Variants in FAT3 observed in about 807,000 individuals in gnomAD.
FAT3 encodes FAT atypical cadherin 3.
A neutral mutation model predicts 310.2 loss-of-function variants in FAT3; 95 were observed. The ratio of observed to expected loss-of-function variants is 0.31; its 90% CI spans 0.26 to 0.36. The LOEUF is 0.36. FAT3 is among the 10% of genes least tolerant of loss of function. The probability of loss-of-function intolerance (pLI) is 1.00; values close to 1 mark genes in which losing one functional copy is unlikely to be tolerated. For synonymous variants in FAT3, 2,314 were observed against 2,192.9 expected (o/e 1.06, Z -1.54); for missense variants, 5,408 against 5,715.6 (o/e 0.95, Z 1.74).
intron 1 of FAT3, among the ~76,000 whole-genome samples, chr11:92,291,080 T>TACACACACACACACACACACAC (rs141883138): frequency 4.9e-5 from 7 of 142,794 alleles, no homozygotes; most frequent in South Asian, 2.3e-4. Context: ...CTTTTTATTC[T>TACACACACACACACACACACAC]ACACACACAC....
intron 2 of FAT3, among the ~76,000 whole-genome samples, chr11:92,507,754 T>C (rs11019980): frequency 0.078 from 11,555 of 148,618 alleles, 527 homozygotes; most frequent in African/African-American, 0.13. Context: ...ATACACACCC[T>C]ATATATATAC....
intron 26 of FAT3, among the ~76,000 whole-genome samples, 172 bp from the exon 27 acceptor site, chr11:92,889,684 T>C (rs902771592): frequency 1.3e-5 from 2 of 152,224 alleles, no homozygotes; most frequent in Non-Finnish European, 2.9e-5. Flanking sequence ...CTGTTTTGTT[T>C]TGCTTTGTTT....
At chr11:92,289,527 A>G (rs1946640827) in intron 1 of FAT3, among the ~76,000 whole-genome samples, 1 of 151,710 alleles carries the variant, frequency 6.6e-6, no homozygotes, top group Admixed American at 6.6e-5. Context: ...ACACACACAC[A>G]CACACACACA....
chr11:92,693,784 AT>A (rs945129610), intron 3 of FAT3, among the ~76,000 whole-genome samples: 15 of 152,258 alleles, frequency 9.9e-5, no homozygotes, highest in Admixed American at 9.8e-4. Context: ...AGATGTATTT[AT>A]TTATTTTCAA....
chr11:92,632,121 C>A (rs1941578553), intron 3 of FAT3, among the ~76,000 whole-genome samples: 1 of 152,176 alleles, frequency 6.6e-6, no homozygotes, highest in Admixed American at 6.5e-5. Flanking sequence ...TTTGCTTCAG[C>A]CACTCCTTCT....
intron 14 of FAT3, 143 bp from the exon 15 acceptor site, chr11:92,834,727 T>G (rs571248377): frequency 1.4e-6 from 1 of 711,752 alleles, no homozygotes; most frequent in Admixed American, 2.9e-5. Context: ...TCTGTAATAC[T>G]TTCAGTAAGG....
chr11:92,575,065 T>A (rs781364777), intron 3 of FAT3, among the ~76,000 whole-genome samples: 1 of 152,218 alleles, frequency 6.6e-6, no homozygotes, highest in Non-Finnish European at 1.5e-5. Context: ...TAAATATGAC[T>A]GTCCTTGTTA....
intron 2 of FAT3, among the ~76,000 whole-genome samples, chr11:92,461,707 T>G (rs1454063676): frequency 6.6e-6 from 1 of 151,984 alleles, no homozygotes; most frequent in Non-Finnish European, 1.5e-5. Context: ...AGGCAGGAGG[T>G]GAGGCACAGG....
intron 23 of FAT3, among the ~76,000 whole-genome samples, chr11:92,881,345 C>T (rs1250306980): frequency 6.6e-6 from 1 of 152,118 alleles, no homozygotes; most frequent in Non-Finnish European, 1.5e-5. Context: ...TAAATATTTG[C>T]CAAAAGGAAA....
At chr11:92,847,281 A>G (rs1364332260) in intron 19 of FAT3, among the ~76,000 whole-genome samples, 3 of 152,206 alleles carry the variant, frequency 2.0e-5, no homozygotes, top group Non-Finnish European at 4.4e-5. Context: ...AAAAATACTT[A>G]CCATTGTGTT....
At chr11:92,781,470 G>A (rs1946751577) in intron 7 of FAT3, among the ~76,000 whole-genome samples, 1 of 152,106 alleles carries the variant, frequency 6.6e-6, no homozygotes, top group African/African-American at 2.4e-5. Flanking sequence ...GACTGCTTAG[G>A]TGGCCTGCTT....
At chr11:92,472,828 T>G (rs1474192784) in intron 2 of FAT3, among the ~76,000 whole-genome samples, 1 of 152,184 alleles carries the variant, frequency 6.6e-6, no homozygotes, top group Non-Finnish European at 1.5e-5. Flanking sequence ...CAGTAGGCAA[T>G]GTTCAGCACT....
chr11:92,357,527 T>C (rs1357184254), intron 2 of FAT3, among the ~76,000 whole-genome samples: 1 of 152,224 alleles, frequency 6.6e-6, no homozygotes, highest in Non-Finnish European at 1.5e-5. Context: ...TTAACCTTCC[T>C]GTTTTCTTTA....
chr11:92,687,028 T>C (rs1591608341), intron 3 of FAT3, among the ~76,000 whole-genome samples: 1 of 152,330 alleles, frequency 6.6e-6, no homozygotes, highest in Non-Finnish European at 1.5e-5. Flanking sequence ...TATTAAATTT[T>C]CAGACATTTT....
chr11:92,744,690 T>G (rs1945605587), intron 4 of FAT3, among the ~76,000 whole-genome samples: 1 of 152,176 alleles, frequency 6.6e-6, no homozygotes, highest in Non-Finnish European at 1.5e-5. Flanking sequence ...TTTTTTTTAA[T>G]TTTTAGGAGA....
intron 3 of FAT3, among the ~76,000 whole-genome samples, chr11:92,543,769 A>T (rs540054033): frequency 6.6e-6 from 1 of 152,306 alleles, no homozygotes; most frequent in Non-Finnish European, 1.5e-5. Flanking sequence ...CTTGATTTGT[A>T]TATTAATTAT....
chr11:92,513,464 G>A (rs1486168078), intron 2 of FAT3, among the ~76,000 whole-genome samples: 1 of 152,134 alleles, frequency 6.6e-6, no homozygotes, highest in Non-Finnish European at 1.5e-5. Context: ...GCCCATGAAA[G>A]AATTTCATGT....
chr11:92,495,331 G>T (rs150463118), intron 2 of FAT3, among the ~76,000 whole-genome samples: 117 of 152,150 alleles, frequency 7.7e-4, no homozygotes, highest in African/African-American at 2.7e-3. Flanking sequence ...TGGAATCCAG[G>T]TTTCTCTGCC....
chr11:92,234,234 T>G (rs964970253), intron 1 of FAT3, among the ~76,000 whole-genome samples: 1 of 152,234 alleles, frequency 6.6e-6, no homozygotes, highest in Non-Finnish European at 1.5e-5. Flanking sequence ...CATTTATCTG[T>G]TTTTTAAGTT....
Sources: gnomAD v4.1 joint callset for allele counts (sites outside exome capture counted in the v4.1 genomes callset) on GRCh38, gnomAD v4.1.1 for gene constraint, MANE v1.5 for transcripts, NCBI Gene and HGNC (gene_info 2026-07-23, HGNC 2026-07-21) for gene names.